TBC1D10B: variants seen among roughly 807,000 people sequenced by gnomAD.
TBC1D10B encodes the protein TBC1 domain family member 10B, also known as Rab27A-GAPbeta.
Under a neutral mutation model 78.4 loss-of-function variants are expected in TBC1D10B, and 25 were observed. The observed-to-expected ratio is 0.32, with a 90% CI of 0.23 to 0.45. The LOEUF is 0.45. Ranked by LOEUF, TBC1D10B falls within the 20% of genes least tolerant of loss-of-function variation. The probability of loss-of-function intolerance (pLI) is 1.00; values close to 1 mark genes in which losing one functional copy is unlikely to be tolerated. For synonymous variants in TBC1D10B, 517 were observed against 478.0 expected (o/e 1.08, Z -1.06); for missense variants, 996 against 1,104.8 (o/e 0.90, Z 1.40).
intron 6 of TBC1D10B, 62 bp from the exon 7 acceptor site, chr16:30,359,423 C>A: frequency 6.5e-7 from 1 of 1,545,506 alleles, no homozygotes; most frequent in Non-Finnish European, 8.8e-7. Flanking sequence ...CAGGGGAGAA[C>A]TGGCCGGCCC....
Position 30,369,141 on chromosome 16 carries a change from T to G in TBC1D10B, c.956+87A>C, listed in dbSNP as rs1395321317. 2.2e-6 allele frequency: 3 copies of G among 1,365,492 alleles called. No homozygotes were observed. The East Asian group carries it at 7.6e-5, about 34-fold the overall frequency. The allele number at this position is 1,365,492 out of a possible 1,614,324, so 84.6% of individuals were successfully genotyped here. On this transcript the variant is annotated intron_variant, in intron 1 of 8. Transcript: ENST00000409939. The surrounding 1 kb of genome is among the most constrained non-coding windows in gnomAD (Gnocchi z 4.3). Reference sequence around the variant, plus strand: ...CTCAGAGGAGGCTGGGCTGCCAGAGTCTGGGCAAAGTGTATCGTTTTCGTT... The same window carrying G: ...CTCAGAGGAGGCTGGGCTGCCAGAGGCTGGGCAAAGTGTATCGTTTTCGTT...
In TBC1D10B at chr16:30,358,125, TGCTTCTGCCGCTCCTTCTCCC is replaced by T. The variant is rs2049568329; in HGVS notation, c.2225_2245del (p.Arg742_Lys748del). ...TTCCTGCTTCTCTCGCTCTTTCTCC[TGCTTCTGCCGCTCCTTCTCCC>T]GCTCCTTCTCCTGTTTCTGCCGCTC... On this transcript the variant is annotated inframe_deletion, in exon 9 of 9. Coordinates refer to ENST00000409939, the MANE Select transcript of TBC1D10B (RefSeq NM_015527.4). 6.4e-7 allele frequency: 1 copy of T among 1,551,452 alleles called. No individual in the cohort carries two copies. The highest frequency in any genetic ancestry group is 2.0e-5 in the Admixed American group (1 of 50,950).
Position 30,370,151 on chromosome 16 carries a change from C to T in TBC1D10B, c.33G>A (p.Pro11=), listed in dbSNP as rs2049676853. 8.4e-7 allele frequency: 1 copy of T among 1,192,746 alleles called. No individual in the cohort carries two copies. The highest frequency in any genetic ancestry group is 4.5e-5 in the Admixed American group (1 of 22,254). The allele number at this position is 1,192,746 out of a possible 1,614,324, so 73.9% of individuals were successfully genotyped here. A position where few individuals can be genotyped will look rare whatever the true frequency, so the allele number is the denominator to read the frequency against. Residue 11 remains proline, a synonymous_variant, in exon 1 of 9, where the codon CCG becomes CCA. Coordinates refer to ENST00000409939, the MANE Select transcript of TBC1D10B (RefSeq NM_015527.4). The stretch of plus-strand genomic sequence containing the variant: ...CCGCGGGGGCGCCATGACGGCGCGG[C>T]GGGGCCACCAGGGGCGCCGTGCCCG... METGTAPLVA[P]PRRHGAPAAP...
intron 4 of TBC1D10B, among the ~76,000 whole-genome samples, chr16:30,360,921 G>C (rs2049594289): frequency 6.6e-6 from 1 of 151,396 alleles, no homozygotes; most frequent in African/African-American, 2.4e-5. Context: ...CCTTGCTCCT[G>C]CACTATCAAT....
Position 30,364,921 on chromosome 16 carries a change from A to G in TBC1D10B, c.1250T>C (p.Phe417Ser). ...LHRQFPFHEM[F>S]AARGGHGQQD... is the part of the protein sequence containing the mutation. ...TTACCCATGCCCCCCTCGAGCAGCA[A>G]ACATCTCGTGGAAAGGGAACTGGCG... The change falls in exon 4 of 9, where the codon TTT (phenylalanine) becomes TCT (serine). Residue 417 changes from phenylalanine to serine, a missense_variant. Physicochemically the swap from Phe to Ser is radical, Grantham distance 155. Around this residue, in one of 5 missense-constraint regions of TBC1D10B, gnomAD observed 93 missense variants for 152.7 expected, o/e 0.61. Transcript: ENST00000409939. 1.2e-6 allele frequency: 2 copies of G among 1,612,518 alleles called. No individual in the cohort carries two copies. Among genetic ancestry groups the G allele is most frequent in the Non-Finnish European group, 1.7e-6 (2 of 1,179,322 alleles).
At chr16:30,363,985 C>T (rs1044688076) in intron 4 of TBC1D10B, among the ~76,000 whole-genome samples, 5 of 151,976 alleles carry the variant, frequency 3.3e-5, no homozygotes, top group African/African-American at 1.2e-4. Flanking sequence ...GGTGTGGTGG[C>T]GCGCACCTGT....
rs1046093334 is a variant in TBC1D10B, at chr16:30,365,486, C to T, written c.1056+9G>A. 2 of 1,613,838 alleles carry T rather than the reference C, an allele frequency of 1.2e-6. No homozygotes were observed. The highest frequency in any genetic ancestry group is 1.7e-6 in the Non-Finnish European group (2 of 1,179,840). ...GTGCATTGCCCTGCCCACCATTCAG[C>T]CCTCAAACCTTCTGGAATCGCCGTG... is the stretch of plus-strand genomic sequence containing the variant. On this transcript the variant is annotated intron_variant, in intron 2 of 8. Coordinates refer to ENST00000409939, the MANE Select transcript of TBC1D10B (RefSeq NM_015527.4). This position sits in a 1 kb window ranked among gnomAD's most constrained non-coding sequence, Gnocchi z 5.0.
rs1567410758 is a variant in TBC1D10B, at chr16:30,358,171, C to G, written c.2200G>C (p.Glu734Gln). 1 of 1,551,962 alleles carries G rather than the reference C, an allele frequency of 6.4e-7. No individual in the cohort carries two copies. Among genetic ancestry groups the G allele is most frequent in the Admixed American group, 2.0e-5 (1 of 50,992 alleles). Residue 734 changes from glutamate to glutamine, a missense_variant, in exon 9 of 9, where the codon GAG becomes CAG. Coordinates refer to ENST00000409939, the MANE Select transcript of TBC1D10B (RefSeq NM_015527.4). Reference protein sequence around the residue: ...QEKERQKQEKERQKQEKEREK... With the variant: ...QEKERQKQEKQRQKQEKEREK... The stretch of plus-strand genomic sequence containing the variant: ...CGCTCCTTCTCCTGTTTCTGCCGCT[C>G]CTTCTCCTGTTTCTGCCGCTCCTTC...
rs1472430724 is a variant in TBC1D10B at position 30,359,548 on chromosome 16, C to T, written c.1442G>A (p.Ser481Asn). ...CCTCCAGACACTCACCAGCCCTGCA[C>T]TGTAGTAACCTGGGAGGTACTTGTC... ...ICDKYLPGYY[S>N]AGLEAIQLDG... is the part of the protein sequence containing the mutation. Residue 481 changes from serine (S) to asparagine (N), a missense_variant, in exon 6 of 9, where the codon AGT (serine) becomes AAT (asparagine). Coordinates refer to ENST00000409939, the MANE Select transcript of TBC1D10B (RefSeq NM_015527.4). The T allele has an allele frequency of 1.3e-6, 2 of 1,560,432 alleles. No homozygotes were observed. The highest frequency in any genetic ancestry group is 1.7e-6 in the Non-Finnish European group (2 of 1,152,368).
chr16:30,363,056 T>G (rs2049609228), intron 4 of TBC1D10B, among the ~76,000 whole-genome samples: 1 of 151,896 alleles, frequency 6.6e-6, no homozygotes, highest in Admixed American at 6.6e-5. Context: ...AAATAAAAAA[T>G]AAACGTTCCA....
In TBC1D10B at chr16:30,369,958, G is replaced by C. The variant is rs2049673687; in HGVS notation, c.226C>G (p.Pro76Ala). The change falls in exon 1 of 9, where the codon CCA becomes GCA. Residue 76 changes from proline (P) to alanine (A), a missense_variant. Pro to Ala is a conservative substitution (Grantham distance 27). This residue lies in a region of TBC1D10B where 448 missense variants were observed against 442.1 expected (regional missense o/e 1.01). Transcript: ENST00000409939. The surrounding 1 kb of genome is among the most constrained non-coding windows in gnomAD (Gnocchi z 4.3). ...SAETSAPAPA[P>A]APAPAPAVTG... ...ACAGCCGGGGCTGGGGCCGGGGCTG[G>C]GGCCGGGGCCGGAGCAGAGGTCTCG... 7.8e-7 allele frequency: 1 copy of C among 1,289,234 alleles called. No individual in the cohort carries two copies. The highest frequency in any genetic ancestry group is 3.9e-5 in the Admixed American group (1 of 25,896). The allele number at this position is 1,289,234 out of a possible 1,614,324, so 79.9% of individuals were successfully genotyped here.
In TBC1D10B at chr16:30,358,320, C is replaced by T. The variant is rs1203329581; in HGVS notation, c.2051G>A (p.Arg684His). The part of the protein sequence containing the change: ...GGAPSPPPPV[R>H]RASAGPAPGP... The stretch of plus-strand genomic sequence containing the variant: ...TGGGGCAGGCCCAGCACTGGCTCTG[C>T]GGACGGGGGGCGGCGGGGACGGGGC... Residue 684 changes from arginine (R) to histidine (H), a missense_variant, in exon 9 of 9, where the codon CGC (arginine) becomes CAC (histidine). Transcript: ENST00000409939. The T allele has an allele frequency of 8.3e-6, 13 of 1,575,654 alleles. No individual in the cohort carries two copies. The highest frequency in any genetic ancestry group is 4.7e-5 in the South Asian group (4 of 85,832).
rs1567415745 is a variant in TBC1D10B at position 30,369,546 on chromosome 16, G to A, written c.638C>T (p.Pro213Leu). 3.9e-6 allele frequency: 6 copies of A among 1,545,188 alleles called. No individual in the cohort carries two copies. Among genetic ancestry groups the A allele is most frequent in the Admixed American group, 4.0e-5 (2 of 49,602 alleles). ...AGAGGGGCCTGTGCCAGGGCCTGAGGGGTCCTCAGGAGCCTGTCCTGCTGA... is the reference window on the plus strand; with the variant it reads ...AGAGGGGCCTGTGCCAGGGCCTGAGAGGTCCTCAGGAGCCTGTCCTGCTGA... ...SASAGQAPED[P>L]SGPGTGPSGT... The change falls in exon 1 of 9, where the codon CCC (proline) becomes CTC (leucine). Residue 213 changes from proline to leucine, a missense_variant. Physicochemically the swap from Pro to Leu is moderately conservative, Grantham distance 98. Coordinates refer to ENST00000409939, the MANE Select transcript of TBC1D10B (RefSeq NM_015527.4). The surrounding 1 kb of genome is among the most constrained non-coding windows in gnomAD (Gnocchi z 4.3).
chr16:30,370,325 G>T lies in TBC1D10B; in HGVS notation c.-142C>A. 1 of 258,430 alleles carries T rather than the reference G, an allele frequency of 3.9e-6. No homozygotes were observed. Among genetic ancestry groups the T allele is most frequent in the South Asian group, 1.4e-4 (1 of 7,238 alleles). 16.0% of individuals were successfully genotyped at this position (258,430 alleles called of 1,614,324 possible). A position where few individuals can be genotyped will look rare whatever the true frequency, so the allele number is the denominator to read the frequency against. Reference sequence around the variant, plus strand: ...CGCGCCGGGGGCGGAGCGGCCGCTGGGCGCGCAGAGGCGGGGCAGGGGTCG... The same window carrying T: ...CGCGCCGGGGGCGGAGCGGCCGCTGTGCGCGCAGAGGCGGGGCAGGGGTCG... On this transcript the variant is annotated 5_prime_UTR_variant, in exon 1 of 9. Coordinates refer to ENST00000409939, the MANE Select transcript of TBC1D10B (RefSeq NM_015527.4).
At position 30,365,207 on chromosome 16, in the gene TBC1D10B, C is replaced by T. The variant is rs2049627502; in HGVS notation, c.1062G>A (p.Lys354=). The change falls in exon 3 of 9, where the codon AAG becomes AAA. Residue 354 remains lysine (K), a synonymous_variant. Coordinates refer to ENST00000409939, the MANE Select transcript of TBC1D10B (RefSeq NM_015527.4). This position sits in a 1 kb window ranked among gnomAD's most constrained non-coding sequence, Gnocchi z 5.0. ...AGGGGATCCCCTTCCGGCAGCGCAG[C>T]TTCACCTAAGGCAAAGTGGCAGGAG... The part of the protein sequence containing the change: ...KWLSRRFQKV[K]LRCRKGIPSS... The T allele has an allele frequency of 1.9e-6, 3 of 1,613,922 alleles. No homozygotes were observed. Among genetic ancestry groups the T allele is most frequent in the Non-Finnish European group, 2.5e-6 (3 of 1,179,870 alleles).
At chr16:30,363,418 TA>T in intron 4 of TBC1D10B, among the ~76,000 whole-genome samples, 1 of 152,154 alleles carries the variant, frequency 6.6e-6, no homozygotes, top group Admixed American at 6.6e-5. Context: ...AAGTCATTTG[TA>T]ACCCCATCCC....
At position 30,369,001 on chromosome 16, in the gene TBC1D10B, A is replaced by G. The variant is rs2049660398; in HGVS notation, c.956+227T>C. 6.6e-6 allele frequency among the ~76,000 whole-genome samples: 1 copy of G among 152,210 alleles called. No homozygotes were observed. Among genetic ancestry groups the G allele is most frequent in the South Asian group, 2.1e-4 (1 of 4,828 alleles). Reference sequence around the variant, plus strand: ...CAAGGGCACACAACCCATCAAAGGCAAGGCTTAAACCCAGACCTCTTGACC... The same window carrying G: ...CAAGGGCACACAACCCATCAAAGGCGAGGCTTAAACCCAGACCTCTTGACC... On this transcript the variant is annotated intron_variant, in intron 1 of 8. Coordinates refer to ENST00000409939, the MANE Select transcript of TBC1D10B (RefSeq NM_015527.4). The surrounding 1 kb of genome is among the most constrained non-coding windows in gnomAD (Gnocchi z 4.3).
chr16:30,357,919 A>G lies in TBC1D10B; in HGVS notation c.*25T>C, dbSNP rs2151099888. 2 of 1,539,544 alleles carry G rather than the reference A, an allele frequency of 1.3e-6. No individual in the cohort carries two copies. The highest frequency in any genetic ancestry group is 1.2e-5 in the South Asian group (1 of 83,324). ...CTTGGCTGAGGGAAAGAGGGGGGCC[A>G]TGCAGTCCAGCCCCAGGGCAGAGGT... On this transcript the variant is annotated 3_prime_UTR_variant, in exon 9 of 9. Coordinates refer to ENST00000409939, the MANE Select transcript of TBC1D10B (RefSeq NM_015527.4).
chr16:30,359,092 AC>A (rs1401050318), intron 7 of TBC1D10B, 79 bp downstream of exon 7: 7 of 1,477,620 alleles, frequency 4.7e-6, no homozygotes, highest in East Asian at 2.5e-5. Context: ...TTGTCCATGG[AC>A]CACCAGAAAT....
Sources: gnomAD v4.1 joint callset for allele counts (sites outside exome capture counted in the v4.1 genomes callset) on GRCh38, gnomAD v4.1.1 for gene constraint, gnomAD v4.1.1 regional missense constraint, Gnocchi (gnomAD v3.1) non-coding constraint, MANE v1.5 for transcripts, NCBI Gene and HGNC (gene_info 2026-07-23, HGNC 2026-07-21) for gene names.